Variants in ZNF536 observed in about 807,000 individuals in gnomAD.
ZNF536 encodes zinc finger protein 536.
ZNF536 carries 13 observed loss-of-function variants against 84.5 expected under a neutral mutation model. The observed-to-expected ratio is 0.15, with a 90% CI of 0.10 to 0.24. The LOEUF is 0.24. Among genes scored for constraint, ZNF536 ranks in the 10% least tolerant of loss-of-function variants. The probability of loss-of-function intolerance (pLI) is 1.00; values close to 1 mark genes in which losing one functional copy is unlikely to be tolerated. For missense variants in ZNF536, 1,536 were observed against 1,747.5 expected (o/e 0.88, Z 2.16); for synonymous variants, 811 against 742.5 (o/e 1.09, Z -1.50).
At chr19:30,246,140 C>A (rs529021161) in intron 1 of ZNF536, among the ~76,000 whole-genome samples, 2 of 152,202 alleles carry the variant, frequency 1.3e-5, no homozygotes, top group South Asian at 2.1e-4. Flanking sequence ...ACGAGACACT[C>A]GAATCACAGA....
At chr19:30,326,376 G>A (rs575552691) in intron 2 of ZNF536, among the ~76,000 whole-genome samples, 7 of 152,372 alleles carry the variant, frequency 4.6e-5, no homozygotes, top group Admixed American at 4.6e-4. Context: ...AGAAAAGGGT[G>A]CGGGAGACAG....
Position 30,668,730 on chromosome 19 carries a change from G to A in ZNF536, c.170-42027G>A, listed in dbSNP as rs78089190. 38 of 152,416 alleles carry A rather than the reference G, an allele frequency of 2.5e-4. No homozygotes were observed. The East Asian group carries it at 7.3e-3, about 29-fold the overall frequency. The allele number at this position is 152,416 out of a possible 1,614,324, so 9.4% of individuals were successfully genotyped here. A position where few individuals can be genotyped will look rare whatever the true frequency, so the allele number is the denominator to read the frequency against. On this transcript the variant is annotated intron_variant, in intron 1 of 1. Coordinates refer to the ZNF536 transcript ENST00000592773. ...CACCCACTTCGAGGCCATGTGAAGG[G>A]GCCGCGTGGGAGGTGCCCAGTTCTT...
chr19:30,503,163 A>G (rs2055019157), intron 2 of ZNF536, among the ~76,000 whole-genome samples: 1 of 151,348 alleles, frequency 6.6e-6, no homozygotes, highest in Non-Finnish European at 1.5e-5. Flanking sequence ...GTGTATGCAC[A>G]CACACACACA....
intron 1 of ZNF536, among the ~76,000 whole-genome samples, chr19:30,410,328 G>C (rs2050426863): frequency 6.6e-6 from 1 of 151,850 alleles, no homozygotes. Flanking sequence ...TTCTATTAAA[G>C]AGATTTTAAA....
chr19:30,549,244 C>G lies in ZNF536; in HGVS notation c.3625C>G (p.Leu1209Val), dbSNP rs2146245944. 1.2e-6 allele frequency: 2 copies of G among 1,613,998 alleles called. No individual in the cohort carries two copies. Among genetic ancestry groups the G allele is most frequent in the Non-Finnish European group, 1.7e-6 (2 of 1,180,046 alleles). Reference protein sequence around the residue: ...KDSSSDGGDSLQPTGTSQPVQ... With the variant: ...KDSSSDGGDSVQPTGTSQPVQ... The stretch of plus-strand genomic sequence containing the variant: ...CAGCAGCAGCGATGGCGGGGACAGC[C>G]TGCAGCCCACAGGCACCTCCCAGCC... The change falls in exon 4 of 5, where the codon CTG (leucine) becomes GTG (valine). Residue 1209 changes from leucine to valine, a missense_variant. Coordinates refer to ENST00000355537, the MANE Select transcript of ZNF536 (RefSeq NM_014717.3).
intron 2 of ZNF536, among the ~76,000 whole-genome samples, chr19:30,517,260 T>C (rs1372620728): frequency 6.6e-6 from 1 of 152,214 alleles, no homozygotes; most frequent in Admixed American, 6.5e-5. Flanking sequence ...AGACCCATCA[T>C]AATTACGAGA....
At chr19:30,616,778 G>A (rs1490869646) in intron 1 of ZNF536, among the ~76,000 whole-genome samples, 2 of 152,034 alleles carry the variant, frequency 1.3e-5, no homozygotes, top group South Asian at 2.1e-4. Flanking sequence ...AAACACCAGG[G>A]CCTGGTGCAT....
At chr19:30,496,120 T>G (rs1200187122) in intron 2 of ZNF536, among the ~76,000 whole-genome samples, 1 of 152,162 alleles carries the variant, frequency 6.6e-6, no homozygotes, top group Non-Finnish European at 1.5e-5. Context: ...TCTCCAGGTG[T>G]AAGGAGGGCT....
At position 30,617,333 on chromosome 19, in the gene ZNF536, C is replaced by CTTTTTTTTTTTTTTTTTTTTTTT. The variant is rs556835599; in HGVS notation, c.169+67830_169+67852dup. Among the ~76,000 whole-genome samples, 12 of 37,712 alleles carry CTTTTTTTTTTTTTTTTTTTTTTT rather than the reference C, an allele frequency of 3.2e-4. 3 individuals are homozygous for CTTTTTTTTTTTTTTTTTTTTTTT. Among genetic ancestry groups the CTTTTTTTTTTTTTTTTTTTTTTT allele is most frequent in the Admixed American group, 1.0e-3 (2 of 1,918 alleles). The allele number at this position is 37,712 out of a possible 152,430, so 24.7% of individuals were successfully genotyped here. On this transcript the variant is annotated intron_variant, in intron 1 of 1. Transcript: ENST00000592773. ...GAGTCCACCATATCTGAATAGCTTA[C>CTTTTTTTTTTTTTTTTTTTTTTT]TTTTTTTTTTTTTTTTTTTTTTTTT...
At chr19:30,597,145 C>G (rs1288314423) in intron 1 of ZNF536, among the ~76,000 whole-genome samples, 1 of 152,214 alleles carries the variant, frequency 6.6e-6, no homozygotes, top group Non-Finnish European at 1.5e-5. Flanking sequence ...ATCCCTGCAC[C>G]AGTGCGCAAG....
intron 1 of ZNF536, among the ~76,000 whole-genome samples, chr19:30,240,444 T>C (rs2144847741): frequency 6.6e-6 from 1 of 152,110 alleles, no homozygotes; most frequent in South Asian, 2.1e-4. Flanking sequence ...AAGGGGACTG[T>C]ATCTCTTCAA....
At chr19:30,498,373 G>A (rs2054807569) in intron 2 of ZNF536, among the ~76,000 whole-genome samples, 1 of 152,260 alleles carries the variant, frequency 6.6e-6, no homozygotes, top group East Asian at 1.9e-4. Context: ...TCACTTATAA[G>A]TGGGAGCTGA....
chr19:30,370,106 A>G (rs1418767147), upstream of ZNF536, among the ~76,000 whole-genome samples: 1 of 152,210 alleles, frequency 6.6e-6, no homozygotes, highest in East Asian at 1.9e-4. Context: ...CAGACACTTC[A>G]AACAGTTCTC....
chr19:30,386,890 C>T (rs2049364845), intron 1 of ZNF536, among the ~76,000 whole-genome samples: 1 of 152,252 alleles, frequency 6.6e-6, no homozygotes, highest in Non-Finnish European at 1.5e-5. Flanking sequence ...AGTGGCAGTG[C>T]TTGTCTGCGG....
At chr19:30,392,064 G>A (rs894901148) in intron 1 of ZNF536, among the ~76,000 whole-genome samples, 4 of 152,270 alleles carry the variant, frequency 2.6e-5, no homozygotes, top group Admixed American at 1.3e-4. Context: ...TCGGATGTCC[G>A]GAGCTGGGGG....
chr19:30,278,644 G>A (rs927899927), intron 1 of ZNF536, among the ~76,000 whole-genome samples: 13 of 152,072 alleles, frequency 8.5e-5, no homozygotes, highest in South Asian at 6.2e-4. Flanking sequence ...CAGGGTGAGC[G>A]TGGCTGACTC....
chr19:30,323,593 T>A (rs8107212), intron 2 of ZNF536, among the ~76,000 whole-genome samples: 2 of 151,970 alleles, frequency 1.3e-5, no homozygotes, highest in Non-Finnish European at 1.5e-5. Flanking sequence ...TTGACTGGGG[T>A]TGCTTCATGA....
intron 1 of ZNF536, among the ~76,000 whole-genome samples, chr19:30,645,219 GT>G (rs1015421738): frequency 1.7e-4 from 26 of 152,096 alleles, no homozygotes; most frequent in African/African-American, 2.9e-4. Flanking sequence ...GGGGTTGTTT[GT>G]TTTTTTCTTG....
At position 30,470,586 on chromosome 19, in the gene ZNF536, C is replaced by A. The variant is rs115989899; in HGVS notation, c.2170+24854C>A. 8.1e-3 allele frequency among the ~76,000 whole-genome samples: 1,227 copies of A among 152,116 alleles called. 17 individuals are homozygous for A. Among genetic ancestry groups the A allele is most frequent in the African/African-American group, 0.029 (1,188 of 41,492 alleles). On this transcript the variant is annotated intron_variant, in intron 2 of 4. Coordinates refer to ENST00000355537, the MANE Select transcript of ZNF536 (RefSeq NM_014717.3). ...TATGCCTCCGACCCCACACCTCCCC[C>A]ACTAATGGACAACCTGTGATAGTTT... is the stretch of plus-strand genomic sequence containing the variant.
Sources: allele counts gnomAD v4.1 joint callset (sites outside exome capture counted in the v4.1 genomes callset), GRCh38; gene constraint gnomAD v4.1.1; transcripts MANE v1.5; gene names NCBI Gene and HGNC (gene_info 2026-07-23, HGNC 2026-07-21).